Variants in FUBP1 observed in about 807,000 individuals in gnomAD.
The protein encoded by FUBP1 is far upstream element-binding protein 1.
FUBP1 carries 16 observed loss-of-function variants against 94.9 expected under a neutral mutation model. That is an observed-to-expected ratio of 0.17 (90% CI 0.11 to 0.26). The LOEUF is 0.26. Among genes scored for constraint, FUBP1 ranks in the 10% least tolerant of loss-of-function variants. The pLI, the probability that FUBP1 is intolerant of heterozygous loss-of-function variation, is 1.00. For synonymous variants in FUBP1, 279 were observed against 254.9 expected (o/e 1.09, Z -0.90); for missense variants, 583 against 808.6 (o/e 0.72, Z 3.38).
chr1:77,975,931 G>A (rs1181894431), intron 1 of FUBP1, among the ~76,000 whole-genome samples: 1 of 151,306 alleles, frequency 6.6e-6, no homozygotes, highest in Non-Finnish European at 1.5e-5. Flanking sequence ...ACCAGCTAGA[G>A]TTAACATTAC....
chr1:77,979,320 G>A (rs1488584905), upstream of FUBP1: 8 of 330,738 alleles, frequency 2.4e-5, no homozygotes, highest in Middle Eastern at 8.4e-4. Context: ...GTTCCTGCAG[G>A]GTGGTGGGTG....
chr1:77,950,352 G>GT (rs1302628571), intron 18 of FUBP1, among the ~76,000 whole-genome samples: 1 of 152,072 alleles, frequency 6.6e-6, no homozygotes, highest in Admixed American at 6.5e-5. Flanking sequence ...TAGAGATGGG[G>GT]TTTTGCCATG....
chr1:77,956,876 G>A (rs1000815024), intron 16 of FUBP1, among the ~76,000 whole-genome samples, 176 bp from the exon 17 acceptor site: 3 of 151,046 alleles, frequency 2.0e-5, no homozygotes, highest in Non-Finnish European at 2.9e-5. Flanking sequence ...GTCACCATCA[G>A]CTTTTATTAA....
At chr1:77,978,217 C>A (rs115254917) in intron 1 of FUBP1, among the ~76,000 whole-genome samples, 1,816 of 152,316 alleles carry the variant, frequency 0.012, 26 homozygotes, top group African/African-American at 0.042. Flanking sequence ...GCACGCACTA[C>A]GTAATACAAA....
At chr1:77,969,600 C>A (rs1657137116) in intron 2 of FUBP1, among the ~76,000 whole-genome samples, 3 of 152,046 alleles carry the variant, frequency 2.0e-5, no homozygotes, top group South Asian at 4.1e-4. Context: ...AGTGAAGTGT[C>A]TTCTAAGCAA....
At chr1:77,951,798 GC>G in intron 18 of FUBP1, among the ~76,000 whole-genome samples, 1 of 152,250 alleles carries the variant, frequency 6.6e-6, no homozygotes, top group African/African-American at 2.4e-5. Context: ...CTAAGAGCCA[GC>G]CTTGCATGAA....
intron 16 of FUBP1, among the ~76,000 whole-genome samples, chr1:77,959,688 T>C (rs965670760): frequency 6.6e-6 from 1 of 152,096 alleles, no homozygotes; most frequent in Non-Finnish European, 1.5e-5. Context: ...CATACCACCC[T>C]GCCCGGCTAA....
At chr1:77,958,224 T>C (rs1654831017) in intron 16 of FUBP1, among the ~76,000 whole-genome samples, 2 of 152,178 alleles carry the variant, frequency 1.3e-5, no homozygotes, top group Non-Finnish European at 2.9e-5. Context: ...AAAAAACCAG[T>C]CTCACAGTTA....
chr1:77,964,207 C>G (rs2102393784), intron 11 of FUBP1, 45 bp from the exon 12 acceptor site: 1 of 1,542,058 alleles, frequency 6.5e-7, no homozygotes, highest in Non-Finnish European at 9.0e-7. Context: ...AAATGTATGT[C>G]AAAACTCACT....
At chr1:77,960,585 C>T (rs774439104) in intron 14 of FUBP1, 90 bp from the exon 15 acceptor site, 56 of 1,063,006 alleles carry the variant, frequency 5.3e-5, no homozygotes, top group Non-Finnish European at 6.5e-5. Flanking sequence ...TTTCTACCCT[C>T]TTATAGTCAC....
intron 7 of FUBP1, 66 bp from the exon 8 acceptor site, chr1:77,965,297 A>C: frequency 9.3e-7 from 1 of 1,071,742 alleles, no homozygotes; most frequent in Non-Finnish European, 1.4e-6. Flanking sequence ...ATAGAGAAAT[A>C]TAAAACAATA....
At chr1:77,974,354 A>C (rs1214094102) in intron 1 of FUBP1, among the ~76,000 whole-genome samples, 1 of 151,734 alleles carries the variant, frequency 6.6e-6, no homozygotes, top group Non-Finnish European at 1.5e-5. Context: ...GGACGGTCTC[A>C]ATCTCCTGAC....
intron 1 of FUBP1, among the ~76,000 whole-genome samples, chr1:77,977,195 T>C (rs1275800737): frequency 6.6e-6 from 1 of 152,106 alleles, no homozygotes; most frequent in Non-Finnish European, 1.5e-5. Flanking sequence ...AAACAATTCA[T>C]GCATTAAAAC....
intron 18 of FUBP1, among the ~76,000 whole-genome samples, chr1:77,952,433 GTTC>G (rs1333924807): frequency 6.7e-6 from 1 of 148,598 alleles, no homozygotes; most frequent in Non-Finnish European, 1.5e-5. Context: ...GGAGTTTTCT[GTTC>G]TTAACAAGAA....
At position 77,948,627 on chromosome 1, in the gene FUBP1, A is replaced by C; in HGVS notation, c.*139T>G. 4 of 712,524 alleles carry C rather than the reference A, an allele frequency of 5.6e-6. No individual in the cohort carries two copies. Among genetic ancestry groups the C allele is most frequent in the Non-Finnish European group, 7.4e-6 (4 of 542,944 alleles). 44.1% of individuals were successfully genotyped at this position (712,524 alleles called of 1,614,324 possible). On this transcript the variant is annotated 3_prime_UTR_variant, in exon 20 of 20. Transcript: ENST00000370768. ...GTGATAGATATTTTGTACATTTTCA[A>C]AAAAAAAAAAAAAAAAGGAAACACT...
intron 18 of FUBP1, among the ~76,000 whole-genome samples, chr1:77,951,002 GAAGT>G (rs528001091): frequency 1.6e-4 from 24 of 152,164 alleles, no homozygotes; most frequent in East Asian, 9.7e-4. Context: ...TCTCAAAGAG[GAAGT>G]AAGTTTAACA....
intron 17 of FUBP1, among the ~76,000 whole-genome samples, chr1:77,955,783 C>T (rs540213939): frequency 1.3e-5 from 2 of 152,188 alleles, no homozygotes; most frequent in East Asian, 3.9e-4. Context: ...TTTCCTAGTT[C>T]TGCCTGTTGA....
In FUBP1 at chr1:77,947,432, T is replaced by C. The variant is rs1163443180; in HGVS notation, c.*1334A>G. 6 of 665,264 alleles carry C rather than the reference T, an allele frequency of 9.0e-6. No individual in the cohort carries two copies. The highest frequency in any genetic ancestry group is 8.3e-5 in the East Asian group (2 of 23,954). The allele number at this position is 665,264 out of a possible 1,614,324, so 41.2% of individuals were successfully genotyped here. Reference sequence around the variant, plus strand: ...AAAGATACTGTTGCAGTTCATCAATTTGTCATTCTGATGTACTTACAGTGC... The same window carrying C: ...AAAGATACTGTTGCAGTTCATCAATCTGTCATTCTGATGTACTTACAGTGC... On this transcript the variant is annotated 3_prime_UTR_variant, in exon 20 of 20. Coordinates refer to ENST00000370768, the MANE Select transcript of FUBP1 (RefSeq NM_003902.5).
rs1000459303 is a variant in FUBP1 at position 77,944,372 on chromosome 1, C to T, written c.*4394G>A. 5.0e-6 allele frequency: 1 copy of T among 201,048 alleles called. No homozygotes were observed. The highest frequency in any genetic ancestry group is 2.3e-5 in the African/African-American group (1 of 43,350). The allele number at this position is 201,048 out of a possible 1,614,324, so 12.5% of individuals were successfully genotyped here. On this transcript the variant is annotated 3_prime_UTR_variant, in exon 20 of 20. Coordinates refer to ENST00000370768, the MANE Select transcript of FUBP1 (RefSeq NM_003902.5). ...CATTTAAGAGTTTCTATAGGGGTAT[C>T]ACTGAAGAAAATAAAACCCTGGGAT...
Sources: gnomAD v4.1 joint callset for allele counts (sites outside exome capture counted in the v4.1 genomes callset) on GRCh38, gnomAD v4.1.1 for gene constraint, MANE v1.5 for transcripts, NCBI Gene and HGNC (gene_info 2026-07-23, HGNC 2026-07-21) for gene names.